OPCML: variants seen among roughly 807,000 people sequenced by gnomAD.
OPCML encodes opioid binding protein/cell adhesion molecule like, also known as opioid-binding protein/cell adhesion molecule.
A neutral mutation model predicts 37.8 loss-of-function variants in OPCML; 13 were observed. The observed-to-expected ratio is 0.34, with a 90% CI of 0.22 to 0.55. The LOEUF (loss-of-function observed/expected upper bound fraction) is 0.55. Ranked by LOEUF, OPCML falls within the 20% of genes least tolerant of loss-of-function variation. The pLI, the probability that OPCML is intolerant of heterozygous loss-of-function variation, is 0.91. For missense variants in OPCML, 341 were observed against 435.6 expected (o/e 0.78, Z 1.93); for synonymous variants, 176 against 168.8 (o/e 1.04, Z -0.33).
chr11:132,965,157 A>T (rs1013318891), intron 1 of OPCML, among the ~76,000 whole-genome samples: 2 of 152,214 alleles, frequency 1.3e-5, no homozygotes, highest in African/African-American at 4.8e-5. Context: ...AAGCTGTGCA[A>T]CCTAGGGAAG....
chr11:133,083,175 C>G (rs1048392821), intron 1 of OPCML, among the ~76,000 whole-genome samples: 1 of 152,160 alleles, frequency 6.6e-6, no homozygotes, highest in Non-Finnish European at 1.5e-5. Flanking sequence ...CCCCGCCGAG[C>G]GGGCCGCACA....
chr11:132,613,604 T>C (rs1272354359), intron 3 of OPCML, among the ~76,000 whole-genome samples: 1 of 152,186 alleles, frequency 6.6e-6, no homozygotes, highest in African/African-American at 2.4e-5. Flanking sequence ...CCATTCCTTG[T>C]ATGACTAATC....
intron 4 of OPCML, among the ~76,000 whole-genome samples, chr11:132,471,261 G>C (rs978952827): frequency 6.6e-6 from 1 of 152,140 alleles, no homozygotes; most frequent in Admixed American, 6.5e-5. Context: ...ACATGGCAGG[G>C]GATGGCTGTG....
At chr11:132,795,068 A>G (rs949179392) in intron 2 of OPCML, among the ~76,000 whole-genome samples, 1 of 152,132 alleles carries the variant, frequency 6.6e-6, no homozygotes, top group Admixed American at 6.6e-5. Context: ...GGGTATGGCA[A>G]GAGCTTCATT....
intron 2 of OPCML, among the ~76,000 whole-genome samples, chr11:132,753,440 T>C (rs1455820952): frequency 1.3e-5 from 2 of 152,228 alleles, no homozygotes; most frequent in African/African-American, 4.8e-5. Context: ...CAAATATAAA[T>C]TTAGTGTCCA....
intron 2 of OPCML, among the ~76,000 whole-genome samples, chr11:132,789,181 G>T (rs569969062): frequency 6.6e-6 from 1 of 152,068 alleles, no homozygotes; most frequent in Non-Finnish European, 1.5e-5. Flanking sequence ...TTTATTATAC[G>T]TTGACTTCTC....
In OPCML at chr11:132,542,367, T is replaced by C. The variant is rs140596516; in HGVS notation, c.380-13181A>G. On this transcript the variant is annotated intron_variant, in intron 3 of 7. Coordinates refer to ENST00000524381, the MANE Select transcript of OPCML (RefSeq NM_001012393.5). ...CTGCTGTGGCTTTCTGAAACTACTT[T>C]TGCATGTCCATCTTGTCCCCCATCC... is the stretch of plus-strand genomic sequence containing the variant. Among the ~76,000 whole-genome samples the C allele has an allele frequency of 1.4e-3, 207 of 152,270 alleles. 2 individuals are homozygous for C. The highest frequency in any genetic ancestry group is 4.7e-3 in the African/African-American group (194 of 41,570).
intron 2 of OPCML, among the ~76,000 whole-genome samples, chr11:132,905,998 T>C (rs1028708023): frequency 9.2e-5 from 14 of 152,238 alleles, no homozygotes; most frequent in African/African-American, 3.4e-4. Context: ...CTACAAGGAA[T>C]GTTTCAGAAT....
At chr11:132,668,896 G>A (rs537530969) in intron 2 of OPCML, among the ~76,000 whole-genome samples, 25 of 151,996 alleles carry the variant, frequency 1.6e-4, no homozygotes, top group Middle Eastern at 3.4e-3. Context: ...CTCAACCTAC[G>A]TAGAATTCTG....
intron 1 of OPCML, among the ~76,000 whole-genome samples, chr11:133,413,974 G>C (rs946420101): frequency 6.6e-6 from 1 of 152,162 alleles, no homozygotes; most frequent in South Asian, 2.1e-4. Context: ...AAGCAAGAGG[G>C]AATGTTCCCT....
At chr11:132,838,679 T>C (rs564973121) in intron 2 of OPCML, among the ~76,000 whole-genome samples, 2 of 152,360 alleles carry the variant, frequency 1.3e-5, no homozygotes, top group South Asian at 4.1e-4. Flanking sequence ...TTAAAATTTA[T>C]TTTTTTATTG....
At chr11:132,576,046 T>C (rs1399628912) in intron 3 of OPCML, among the ~76,000 whole-genome samples, 2 of 152,198 alleles carry the variant, frequency 1.3e-5, no homozygotes, top group East Asian at 3.9e-4. Flanking sequence ...AATTCCCTTG[T>C]ATGTAACCAG....
At chr11:133,130,909 C>G (rs1949593904) in intron 1 of OPCML, among the ~76,000 whole-genome samples, 1 of 152,100 alleles carries the variant, frequency 6.6e-6, no homozygotes, top group African/African-American at 2.4e-5. Context: ...TGAATCTAGA[C>G]ATAGACCACT....
chr11:133,234,336 C>A (rs1940420144), intron 1 of OPCML, among the ~76,000 whole-genome samples: 1 of 152,166 alleles, frequency 6.6e-6, no homozygotes, highest in Non-Finnish European at 1.5e-5. Context: ...GCCCTAAAAC[C>A]TTTTTGGAGG....
intron 2 of OPCML, among the ~76,000 whole-genome samples, chr11:132,808,132 A>T (rs983764765): frequency 3.9e-5 from 6 of 152,216 alleles, no homozygotes; most frequent in Admixed American, 2.0e-4. Context: ...TCAATTTTAT[A>T]CTAGGGGATG....
chr11:133,081,264 T>C (rs1158201418), intron 1 of OPCML, among the ~76,000 whole-genome samples: 1 of 152,104 alleles, frequency 6.6e-6, no homozygotes, highest in Non-Finnish European at 1.5e-5. Flanking sequence ...TAATTCTCCG[T>C]TTCCTTTGGG....
chr11:133,051,144 A>C (rs1948124059), intron 1 of OPCML, among the ~76,000 whole-genome samples: 1 of 152,088 alleles, frequency 6.6e-6, no homozygotes, highest in Non-Finnish European at 1.5e-5. Flanking sequence ...TCTCCCATGC[A>C]CACTCAGACT....
At chr11:133,077,459 C>G (rs1565434695) in intron 1 of OPCML, among the ~76,000 whole-genome samples, 1 of 152,116 alleles carries the variant, frequency 6.6e-6, no homozygotes, top group South Asian at 2.1e-4. Context: ...AATTTTAAGA[C>G]TGTAATGTGA....
intron 4 of OPCML, among the ~76,000 whole-genome samples, chr11:132,475,701 A>T (rs1359190852): frequency 1.3e-5 from 2 of 152,164 alleles, no homozygotes; most frequent in Admixed American, 6.5e-5. Context: ...GAAAAAAAAA[A>T]ATATTTCTGT....
Sources: allele counts gnomAD v4.1 joint callset (sites outside exome capture counted in the v4.1 genomes callset), GRCh38; gene constraint gnomAD v4.1.1; transcripts MANE v1.5; gene names NCBI Gene and HGNC (gene_info 2026-07-23, HGNC 2026-07-21).